RBFOX1: variants seen among roughly 807,000 people sequenced by gnomAD.
RBFOX1 encodes RNA binding protein fox-1 homolog 1.
RBFOX1 carries 8 observed loss-of-function variants against 57.7 expected under a neutral mutation model. The observed-to-expected ratio is 0.14, with a 90% CI of 0.08 to 0.25. The LOEUF (loss-of-function observed/expected upper bound fraction) is 0.25, where lower values mean the gene tolerates loss of function less well. RBFOX1 is among the 10% of genes least tolerant of loss of function. RBFOX1 has a pLI of 1.00. For missense variants in RBFOX1, 611 were observed against 548.5 expected (o/e 1.11, Z -1.14); for synonymous variants, 326 against 222.4 (o/e 1.47, Z -4.15).
chr16:7,625,173 C>A (rs1429952453), intron 10 of RBFOX1, among the ~76,000 whole-genome samples: 1 of 151,994 alleles, frequency 6.6e-6, no homozygotes, highest in Non-Finnish European at 1.5e-5. Context: ...AAATGCGGGT[C>A]GCCATGATGT....
At chr16:7,683,513 C>T (rs946966150) in intron 14 of RBFOX1, among the ~76,000 whole-genome samples, 1 of 152,036 alleles carries the variant, frequency 6.6e-6, no homozygotes, top group African/African-American at 2.4e-5. Context: ...GACTGGACCA[C>T]CAAGGAGTTG....
At chr16:7,547,033 C>A (rs1391073311) in intron 5 of RBFOX1, among the ~76,000 whole-genome samples, 1 of 152,108 alleles carries the variant, frequency 6.6e-6, no homozygotes. Flanking sequence ...CAAGACTGCA[C>A]GGCAGTGTCC....
chr16:6,052,112 T>C (rs11077000), intron 1 of RBFOX1, among the ~76,000 whole-genome samples: 142,731 of 152,224 alleles, frequency 0.94, 67,072 homozygotes, highest in African/African-American at 0.99. Context: ...CATGCCCTTG[T>C]TCAGAAATGT....
chr16:6,883,241 A>G (rs1003853996), intron 3 of RBFOX1, among the ~76,000 whole-genome samples: 7 of 152,154 alleles, frequency 4.6e-5, no homozygotes, highest in Non-Finnish European at 8.8e-5. Context: ...TTGCTACACT[A>G]TGGGTTTTCT....
intron 4 of RBFOX1, among the ~76,000 whole-genome samples, chr16:7,175,562 C>G (rs1485989782): frequency 1.3e-5 from 2 of 152,006 alleles, no homozygotes; most frequent in African/African-American, 4.8e-5. Context: ...GCACATAGGG[C>G]TCATAGGCAA....
chr16:7,399,725 C>A (rs987308522), intron 4 of RBFOX1, among the ~76,000 whole-genome samples: 1 of 77,076 alleles, frequency 1.3e-5, no homozygotes, highest in Admixed American at 1.5e-4. Flanking sequence ...TTTAAGATGA[C>A]CCCATATCAA....
At chr16:5,394,097 C>T (rs762141749) in intron 1 of RBFOX1, among the ~76,000 whole-genome samples, 2 of 152,090 alleles carry the variant, frequency 1.3e-5, no homozygotes, top group Non-Finnish European at 2.9e-5. Flanking sequence ...GATCTCAGCT[C>T]ACTGCAGCCT....
At chr16:6,622,140 A>G (rs1251635500) in intron 2 of RBFOX1, among the ~76,000 whole-genome samples, 1 of 152,206 alleles carries the variant, frequency 6.6e-6, no homozygotes, top group Non-Finnish European at 1.5e-5. Context: ...GCATTCCTTA[A>G]GTACTTTATT....
At chr16:5,846,931 A>C (rs2056771912) in intron 3 of RBFOX1, among the ~76,000 whole-genome samples, 1 of 152,186 alleles carries the variant, frequency 6.6e-6, no homozygotes, top group African/African-American at 2.4e-5. Context: ...TAAATCAATT[A>C]GTGCATTTGG....
At chr16:5,853,624 C>G (rs564228600) in intron 3 of RBFOX1, among the ~76,000 whole-genome samples, 1 of 152,308 alleles carries the variant, frequency 6.6e-6, no homozygotes, top group South Asian at 2.1e-4. Flanking sequence ...TGAATGAGCC[C>G]TCAGAAAAGA....
chr16:5,291,002 A>G (rs987166199), intron 1 of RBFOX1, among the ~76,000 whole-genome samples: 1 of 152,058 alleles, frequency 6.6e-6, no homozygotes, highest in African/African-American at 2.4e-5. Flanking sequence ...GCTCAGCCAG[A>G]TTTAAGGGAC....
chr16:7,047,266 C>G (rs979203429), intron 3 of RBFOX1, among the ~76,000 whole-genome samples: 1 of 151,894 alleles, frequency 6.6e-6, no homozygotes, highest in Non-Finnish European at 1.5e-5. Flanking sequence ...TTCTTAGTTA[C>G]TTTCATATTT....
At chr16:7,100,374 G>C (rs1012917246) in intron 4 of RBFOX1, among the ~76,000 whole-genome samples, 1 of 151,978 alleles carries the variant, frequency 6.6e-6, no homozygotes, top group African/African-American at 2.4e-5. Context: ...ACTCCCCCCA[G>C]CCTATCACTC....
At chr16:5,841,841 T>C (rs1263079581) in intron 3 of RBFOX1, among the ~76,000 whole-genome samples, 1 of 152,216 alleles carries the variant, frequency 6.6e-6, no homozygotes, top group Non-Finnish European at 1.5e-5. Context: ...CAGAAATAGA[T>C]GTGGCTGCTT....
intron 3 of RBFOX1, among the ~76,000 whole-genome samples, chr16:6,928,317 G>T (rs2075971747): frequency 6.6e-6 from 1 of 152,160 alleles, no homozygotes; most frequent in Non-Finnish European, 1.5e-5. Flanking sequence ...GGACAAAGGC[G>T]ATCTGGAGGA....
intron 4 of RBFOX1, among the ~76,000 whole-genome samples, chr16:7,494,140 A>G (rs770630700): frequency 6.6e-6 from 1 of 152,188 alleles, no homozygotes; most frequent in Non-Finnish European, 1.5e-5. Flanking sequence ...AGAAGAGATA[A>G]TTCACATGGC....
intron 3 of RBFOX1, among the ~76,000 whole-genome samples, chr16:6,765,440 C>G (rs567216066): frequency 6.6e-6 from 1 of 152,132 alleles, no homozygotes; most frequent in Non-Finnish European, 1.5e-5. Context: ...AGACTGAATA[C>G]CTGGGCAATG....
At chr16:7,186,994 C>CAAAAAAAAAAAAAAAAAAAAAAAA (rs35177784) in intron 4 of RBFOX1, among the ~76,000 whole-genome samples, 4 of 69,262 alleles carry the variant, frequency 5.8e-5, no homozygotes, top group African/African-American at 2.6e-4. Flanking sequence ...CCCACCTCCA[C>CAAAAAAAAAAAAAAAAAAAAAAAA]AAAAAAAAAA....
At chr16:7,702,525 G>A (rs1191104405) in intron 14 of RBFOX1, among the ~76,000 whole-genome samples, 3 of 152,212 alleles carry the variant, frequency 2.0e-5, no homozygotes, top group Admixed American at 6.5e-5. Flanking sequence ...GCCCATAACA[G>A]TTTATGATTG....
Sources: gnomAD v4.1 joint callset for allele counts (sites outside exome capture counted in the v4.1 genomes callset) on GRCh38, gnomAD v4.1.1 for gene constraint, MANE v1.5 for transcripts, NCBI Gene and HGNC (gene_info 2026-07-23, HGNC 2026-07-21) for gene names.